SUGCT: variants seen among roughly 807,000 people sequenced by gnomAD.
The protein encoded by SUGCT is succinyl-CoA:glutarate-CoA transferase, also known as succinyl-CoA:glutarate CoA-transferase.
Under a neutral mutation model 55.0 loss-of-function variants are expected in SUGCT, and 41 were observed. The observed-to-expected ratio is 0.74, with a 90% CI of 0.58 to 0.97. The LOEUF (loss-of-function observed/expected upper bound fraction) is 0.97, where lower values mean the gene tolerates loss of function less well. SUGCT is among the 50% of genes least tolerant of loss of function. The probability of loss-of-function intolerance (pLI) is 0.00; values close to 1 mark genes in which losing one functional copy is unlikely to be tolerated. For missense variants in SUGCT, 568 were observed against 547.8 expected (o/e 1.04, Z -0.37); for synonymous variants, 187 against 200.4 (o/e 0.93, Z 0.56).
chr7:40,156,012 A>G (rs915896647), intron 1 of SUGCT, among the ~76,000 whole-genome samples: 2 of 151,976 alleles, frequency 1.3e-5, no homozygotes, highest in African/African-American at 4.8e-5. Context: ...GTACGCCACC[A>G]TGCCCGGCTA....
chr7:40,749,547 C>A, intron 13 of SUGCT, 50 bp downstream of exon 13: 1 of 1,444,358 alleles, frequency 6.9e-7, no homozygotes, highest in Non-Finnish European at 9.7e-7. Flanking sequence ...ATTAATTGTC[C>A]CATATGCTGT....
intron 9 of SUGCT, among the ~76,000 whole-genome samples, chr7:40,385,396 G>A (rs139524370): frequency 1.3e-3 from 193 of 152,234 alleles, no homozygotes; most frequent in African/African-American, 4.3e-3. Flanking sequence ...TCATATCAGG[G>A]TTGTAGTAAG....
intron 10 of SUGCT, among the ~76,000 whole-genome samples, chr7:40,455,907 G>A (rs1338727004): frequency 6.6e-6 from 1 of 152,168 alleles, no homozygotes; most frequent in African/African-American, 2.4e-5. Context: ...AGTGATGGCG[G>A]TGTATATGAA....
intron 1 of SUGCT, among the ~76,000 whole-genome samples, chr7:40,180,300 G>C (rs1785123806): frequency 6.6e-6 from 1 of 151,812 alleles, no homozygotes; most frequent in Non-Finnish European, 1.5e-5. Context: ...TGTATTGTTA[G>C]TAGAGATGGG....
intron 9 of SUGCT, among the ~76,000 whole-genome samples, chr7:40,439,522 T>G (rs890780561): frequency 2.0e-5 from 3 of 152,168 alleles, no homozygotes; most frequent in Admixed American, 2.0e-4. Flanking sequence ...TATGTCTGGA[T>G]AGCTGAGAGA....
the SUGCT span, among the ~76,000 whole-genome samples, chr7:40,922,635 T>C: frequency 6.6e-6 from 1 of 152,194 alleles, no homozygotes; most frequent in Admixed American, 6.5e-5. Context: ...AAGAATCCAC[T>C]GGTATATTTC....
chr7:40,383,375 T>G (rs896814266), intron 9 of SUGCT, among the ~76,000 whole-genome samples: 2 of 152,218 alleles, frequency 1.3e-5, no homozygotes, highest in African/African-American at 4.8e-5. Context: ...GCACTATGTT[T>G]TATGATTCAT....
rs560082852 is a variant in SUGCT at position 40,255,650 on chromosome 7, G to C, written c.576+17924G>C. ...CACTCCAGCCTGGGCGGCTGAGTGA[G>C]ACTCTGTATCAAAAAAAAAAAAAAA... is the stretch of plus-strand genomic sequence containing the variant. On this transcript the variant is annotated intron_variant, in intron 7 of 13. Coordinates refer to ENST00000335693, the MANE Select transcript of SUGCT (RefSeq NM_001193313.2). Among the ~76,000 whole-genome samples the C allele has an allele frequency of 9.7e-4, 101 of 104,272 alleles. 2 individuals are homozygous for C. In the South Asian group the frequency reaches 0.032, roughly 33 times the overall value. 68.4% of individuals were successfully genotyped at this position (104,272 alleles called of 152,430 possible). A position where few individuals can be genotyped will look rare whatever the true frequency, so the allele number is the denominator to read the frequency against.
chr7:40,966,467 C>T, the SUGCT span: 1 of 152,314 alleles, frequency 6.6e-6, no homozygotes, highest in African/African-American at 2.4e-5. Context: ...TATTCATATG[C>T]TGGGAATAAA....
intron 13 of SUGCT, among the ~76,000 whole-genome samples, chr7:40,852,190 G>T (rs1459186675): frequency 6.6e-6 from 1 of 152,104 alleles, no homozygotes; most frequent in Admixed American, 6.5e-5. Context: ...TTCCCTATCT[G>T]GTAAATGAAC....
the SUGCT span, among the ~76,000 whole-genome samples, chr7:41,002,098 A>G: frequency 2.0e-5 from 3 of 152,108 alleles, no homozygotes; most frequent in African/African-American, 4.8e-5. Flanking sequence ...TCGGCTCACT[A>G]TAACCTCTGC....
intron 9 of SUGCT, among the ~76,000 whole-genome samples, chr7:40,341,285 C>G (rs1288016758): frequency 6.6e-6 from 1 of 152,006 alleles, no homozygotes; most frequent in Non-Finnish European, 1.5e-5. Flanking sequence ...AAAGGGTAAA[C>G]AAGCACCAGG....
chr7:40,416,089 C>T (rs1304044816), intron 9 of SUGCT, among the ~76,000 whole-genome samples: 1 of 151,784 alleles, frequency 6.6e-6, no homozygotes, highest in African/African-American at 2.4e-5. Context: ...GTCTTCTTTT[C>T]CAAGGACATT....
At chr7:40,823,583 A>C (rs565266803) in intron 13 of SUGCT, among the ~76,000 whole-genome samples, 2 of 152,260 alleles carry the variant, frequency 1.3e-5, no homozygotes, top group African/African-American at 4.8e-5. Flanking sequence ...TATTATAAAC[A>C]GTAGTTGGAA....
intron 10 of SUGCT, among the ~76,000 whole-genome samples, chr7:40,453,656 C>T (rs1789315455): frequency 6.6e-6 from 1 of 152,170 alleles, no homozygotes; most frequent in East Asian, 1.9e-4. Flanking sequence ...GAACTGGCAG[C>T]CTGGATGTAA....
chr7:40,346,923 C>T (rs1482981380), intron 9 of SUGCT, among the ~76,000 whole-genome samples: 3 of 152,190 alleles, frequency 2.0e-5, no homozygotes, highest in Admixed American at 6.5e-5. Context: ...GGACTTGAAC[C>T]TTCAGAACTA....
intron 13 of SUGCT, among the ~76,000 whole-genome samples, chr7:40,764,665 T>A (rs192950917): frequency 9.7e-4 from 147 of 152,238 alleles, no homozygotes; most frequent in African/African-American, 3.4e-3. Context: ...AACAATATAA[T>A]CCCAAAGATT....
chr7:40,899,136 C>G, the SUGCT span, among the ~76,000 whole-genome samples: 1 of 152,152 alleles, frequency 6.6e-6, no homozygotes, highest in Non-Finnish European at 1.5e-5. Flanking sequence ...AGAGAGTGCC[C>G]TGCTGCTCTT....
intron 12 of SUGCT, among the ~76,000 whole-genome samples, chr7:40,595,454 G>A (rs1327638486): frequency 2.6e-5 from 4 of 152,168 alleles, no homozygotes; most frequent in Admixed American, 2.6e-4. Context: ...AAAGTTGGGA[G>A]CATTTAATTG....
Sources: gnomAD v4.1 joint callset for allele counts (sites outside exome capture counted in the v4.1 genomes callset) on GRCh38, gnomAD v4.1.1 for gene constraint, MANE v1.5 for transcripts, NCBI Gene and HGNC (gene_info 2026-07-23, HGNC 2026-07-21) for gene names.